RNF13: variants seen among roughly 807,000 people sequenced by gnomAD.
The protein encoded by RNF13 is E3 ubiquitin-protein ligase RNF13.
A neutral mutation model predicts 37.7 loss-of-function variants in RNF13; 19 were observed. The ratio of observed to expected loss-of-function variants is 0.50; its 90% confidence interval spans 0.35 to 0.74. The LOEUF (loss-of-function observed/expected upper bound fraction) is 0.74. Ranked by LOEUF, RNF13 falls within the 30% of genes least tolerant of loss-of-function variation. RNF13 has a pLI of 0.01. For synonymous variants in RNF13, 144 were observed against 157.8 expected (o/e 0.91, Z 0.65); for missense variants, 375 against 453.0 (o/e 0.83, Z 1.56).
chr3:149,877,777 G>A (rs1712914981), intron 4 of RNF13, among the ~76,000 whole-genome samples: 1 of 152,002 alleles, frequency 6.6e-6, no homozygotes, highest in South Asian at 2.1e-4. Context: ...TCAGAATCAT[G>A]TTTAAAAGAT....
chr3:149,819,924 T>C (rs116306704), intron 1 of RNF13, among the ~76,000 whole-genome samples: 1,718 of 152,218 alleles, frequency 0.011, 31 homozygotes, highest in African/African-American at 0.039. Flanking sequence ...ATCAGTCTTT[T>C]TAACTTTGAA....
intron 5 of RNF13, among the ~76,000 whole-genome samples, chr3:149,899,735 G>A (rs1166803504): frequency 2.6e-5 from 4 of 152,158 alleles, no homozygotes; most frequent in Non-Finnish European, 5.9e-5. Context: ...AGGGAGTAAG[G>A]GAAAGGGAGG....
At chr3:149,866,482 G>A (rs1711496879) in intron 3 of RNF13, among the ~76,000 whole-genome samples, 1 of 152,172 alleles carries the variant, frequency 6.6e-6, no homozygotes, top group African/African-American at 2.4e-5. Flanking sequence ...GATTTTAGCT[G>A]ACTTCTTTAT....
intron 3 of RNF13, among the ~76,000 whole-genome samples, chr3:149,870,122 C>A (rs1193807183): frequency 6.6e-6 from 1 of 151,794 alleles, no homozygotes. Flanking sequence ...CTCTATCTAC[C>A]TCATGGATAT....
chr3:149,837,510 C>T (rs1721744291), intron 1 of RNF13, among the ~76,000 whole-genome samples: 1 of 152,192 alleles, frequency 6.6e-6, no homozygotes, highest in Admixed American at 6.5e-5. Flanking sequence ...TACAGTTCCA[C>T]ATCACTGGAG....
intron 4 of RNF13, among the ~76,000 whole-genome samples, chr3:149,890,849 A>G (rs1714624023): frequency 6.6e-6 from 1 of 152,224 alleles, no homozygotes; most frequent in Admixed American, 6.5e-5. Context: ...GTGTAATTCA[A>G]GTCTTATAAA....
intron 4 of RNF13, among the ~76,000 whole-genome samples, chr3:149,872,421 T>G (rs967050944): frequency 1.3e-5 from 2 of 152,232 alleles, no homozygotes; most frequent in Non-Finnish European, 2.9e-5. Flanking sequence ...AGTTTTATGC[T>G]TTTACCCTTC....
intron 1 of RNF13, among the ~76,000 whole-genome samples, chr3:149,827,657 A>G (rs1420411465): frequency 3.3e-5 from 5 of 152,212 alleles, no homozygotes; most frequent in Admixed American, 1.3e-4. Context: ...AACAAGTATT[A>G]TAGTGTGATA....
At chr3:149,896,479 C>A (rs1715276137) in intron 5 of RNF13, among the ~76,000 whole-genome samples, 2 of 150,932 alleles carry the variant, frequency 1.3e-5, no homozygotes, top group Middle Eastern at 3.4e-3. Flanking sequence ...TGCCCTTCTT[C>A]TTTATTTTTT....
intron 1 of RNF13, among the ~76,000 whole-genome samples, chr3:149,837,139 A>G (rs982022360): frequency 2.0e-5 from 3 of 152,236 alleles, no homozygotes; most frequent in Non-Finnish European, 4.4e-5. Context: ...GGTAAATTTT[A>G]TGTCTGTATG....
chr3:149,842,482 A>G (rs1438506698), intron 1 of RNF13, among the ~76,000 whole-genome samples: 2 of 152,148 alleles, frequency 1.3e-5, no homozygotes, highest in Non-Finnish European at 2.9e-5. Flanking sequence ...AGATAAAGCA[A>G]TTTTTGTAGT....
chr3:149,852,723 G>A (rs1723224065), intron 3 of RNF13, 127 bp downstream of exon 3: 2 of 434,242 alleles, frequency 4.6e-6, no homozygotes, highest in Non-Finnish European at 8.2e-6. Flanking sequence ...ATAGTCATTT[G>A]TAAAGGGTCA....
At chr3:149,954,553 C>A (rs1721675795) in intron 8 of RNF13, among the ~76,000 whole-genome samples, 2 of 152,170 alleles carry the variant, frequency 1.3e-5, no homozygotes, top group Non-Finnish European at 2.9e-5. Context: ...TTGGAAATAT[C>A]TTCCATTGGC....
At chr3:149,835,659 GTGTGTGTT>G (rs1472419687) in intron 1 of RNF13, among the ~76,000 whole-genome samples, 5 of 151,020 alleles carry the variant, frequency 3.3e-5, no homozygotes, top group South Asian at 2.1e-4. Flanking sequence ...GTGTGTGTGT[GTGTGTGTT>G]TGTGTGTGTG....
At chr3:149,890,499 G>A (rs1468972894) in intron 4 of RNF13, among the ~76,000 whole-genome samples, 1 of 152,094 alleles carries the variant, frequency 6.6e-6, no homozygotes, top group Non-Finnish European at 1.5e-5. Context: ...ACTGTTTTAA[G>A]TGTTTTTCAT....
intron 1 of RNF13, among the ~76,000 whole-genome samples, chr3:149,821,710 T>C (rs1339899946): frequency 2.0e-5 from 3 of 152,298 alleles, no homozygotes; most frequent in African/African-American, 7.2e-5. Context: ...GCTTTTGGTG[T>C]CATATCAAGA....
At chr3:149,928,453 A>G (rs1447932688) in intron 8 of RNF13, among the ~76,000 whole-genome samples, 5 of 152,010 alleles carry the variant, frequency 3.3e-5, no homozygotes, top group South Asian at 2.1e-4. Flanking sequence ...ATATCTTGGC[A>G]CTCTCATCAA....
intron 7 of RNF13, among the ~76,000 whole-genome samples, chr3:149,916,459 G>A (rs138549983): frequency 2.0e-3 from 311 of 152,254 alleles, no homozygotes; most frequent in African/African-American, 7.3e-3. Flanking sequence ...ACTAGGCACC[G>A]TTCAAGGGTC....
At chr3:149,898,997 A>G (rs554223254) in intron 5 of RNF13, among the ~76,000 whole-genome samples, 1 of 152,294 alleles carries the variant, frequency 6.6e-6, no homozygotes, top group East Asian at 1.9e-4. Flanking sequence ...CAATTCAAAG[A>G]TAAAGCATGC....
Sources: gnomAD v4.1 joint callset for allele counts (sites outside exome capture counted in the v4.1 genomes callset) on GRCh38, gnomAD v4.1.1 for gene constraint, MANE v1.5 for transcripts, NCBI Gene and HGNC (gene_info 2026-07-23, HGNC 2026-07-21) for gene names.